Variants in RTN3 observed in about 807,000 individuals in gnomAD.
RTN3 encodes the protein reticulon 3.
RTN3 carries 49 observed loss-of-function variants against 77.8 expected under a neutral mutation model. That is an observed-to-expected ratio of 0.63 (90% CI 0.50 to 0.80). The LOEUF is 0.80. RTN3 is among the 30% of genes least tolerant of loss of function. The pLI is 0.00. For missense variants in RTN3, 1,236 were observed against 1,211.9 expected, an observed-to-expected ratio of 1.02 and a Z score of -0.29; for synonymous variants, 464 against 446.9, an observed-to-expected ratio of 1.04 and a Z score of -0.48.
chr11:63,719,808 G>A lies in RTN3; in HGVS notation c.1306G>A (p.Val436Met), dbSNP rs373939447. ...NSTKEFSIKG[V>M]QGNMQKQDDT... ...CACAAAAGAATTCAGTATCAAAGGTGTGCAAGGCAATATGCAGAAACAGGA... is the reference window on the plus strand; with the variant it reads ...CACAAAAGAATTCAGTATCAAAGGTATGCAAGGCAATATGCAGAAACAGGA... The change falls in exon 3 of 9, where the codon GTG becomes ATG. Residue 436 changes from valine to methionine, a missense_variant. Physicochemically the swap from Val to Met is conservative, Grantham distance 21. Coordinates refer to ENST00000377819, the MANE Select transcript of RTN3 (RefSeq NM_001265589.2). The A allele has an allele frequency of 3.7e-6, 6 of 1,614,086 alleles. No homozygotes were observed. The highest frequency in any genetic ancestry group is 2.7e-5 in the African/African-American group (2 of 74,938).
chr11:63,712,631 A>G (rs971519663), intron 2 of RTN3, among the ~76,000 whole-genome samples: 3 of 151,726 alleles, frequency 2.0e-5, no homozygotes, highest in Non-Finnish European at 2.9e-5. Flanking sequence ...GATTATAGGC[A>G]TGCGCCACCA....
At chr11:63,749,589 G>C (rs892787992) in intron 3 of RTN3, among the ~76,000 whole-genome samples, 3 of 152,128 alleles carry the variant, frequency 2.0e-5, no homozygotes, top group Admixed American at 6.5e-5. Flanking sequence ...TAAGGTAAAT[G>C]GCACTTTACC....
intron 2 of RTN3, among the ~76,000 whole-genome samples, chr11:63,705,114 CAT>C (rs1413320824): frequency 6.6e-6 from 1 of 152,184 alleles, no homozygotes; most frequent in Non-Finnish European, 1.5e-5. Flanking sequence ...GACCCTGTAA[CAT>C]AGCATAAACT....
Position 63,720,459 on chromosome 11 carries a change from G to T in RTN3, c.1957G>T (p.Asp653Tyr), listed in dbSNP as rs2011685602. The T allele has an allele frequency of 1.2e-6, 2 of 1,613,368 alleles. No individual in the cohort carries two copies. The highest frequency in any genetic ancestry group is 4.5e-5 in the East Asian group (2 of 44,858). ...VKHIDDSSPE[D>Y]LIAAFTETRD... ...ACATATAGATGATTCCTCCCCAGAG[G>T]ACCTGATAGCAGCCTTTACAGAAAC... Residue 653 changes from aspartate (D) to tyrosine (Y), a missense_variant, in exon 3 of 9, where the codon GAC becomes TAC. Transcript: ENST00000377819.
intron 1 of RTN3, among the ~76,000 whole-genome samples, chr11:63,686,254 A>G (rs1014860746): frequency 4.0e-5 from 6 of 150,606 alleles, no homozygotes; most frequent in Non-Finnish European, 8.9e-5. Context: ...GCGGATCACG[A>G]GGTCAGGAGA....
chr11:63,746,537 C>T (rs1487457806), intron 3 of RTN3, among the ~76,000 whole-genome samples: 1 of 149,908 alleles, frequency 6.7e-6, no homozygotes, highest in Non-Finnish European at 1.5e-5. Flanking sequence ...TTTTTTGAGA[C>T]GGAGTCTCGC....
chr11:63,686,403 G>A (rs975449361), intron 1 of RTN3, among the ~76,000 whole-genome samples: 6 of 151,322 alleles, frequency 4.0e-5, no homozygotes, highest in African/African-American at 9.7e-5. Flanking sequence ...CCCAGGAGGC[G>A]GAGCTTGCAG....
chr11:63,727,342 A>G (rs1216261237), intron 3 of RTN3, among the ~76,000 whole-genome samples: 1 of 152,244 alleles, frequency 6.6e-6, no homozygotes, highest in Non-Finnish European at 1.5e-5. Context: ...AAAAGAGACA[A>G]TCGATAGAAA....
intron 1 of RTN3, among the ~76,000 whole-genome samples, chr11:63,699,873 A>G (rs1942149269): frequency 6.6e-6 from 1 of 152,212 alleles, no homozygotes; most frequent in South Asian, 2.1e-4. Flanking sequence ...CAGGTCCTGG[A>G]CTTCGCTACT....
At position 63,749,406 on chromosome 11, in the gene RTN3, G is replaced by A. The variant is rs146064825; in HGVS notation, c.2531-585G>A. On this transcript the variant is annotated intron_variant, in intron 3 of 8. Coordinates refer to ENST00000377819, the MANE Select transcript of RTN3 (RefSeq NM_001265589.2). The stretch of plus-strand genomic sequence containing the variant: ...TTATAACTAGCACTAATAGTGCTTG[G>A]TCTATTTTTATTTACCACTTTCTTT... 1.8e-4 allele frequency among the ~76,000 whole-genome samples: 28 copies of A among 152,204 alleles called. No individual in the cohort carries two copies. The East Asian group carries it at 4.6e-3, about 25-fold the overall frequency.
intron 2 of RTN3, among the ~76,000 whole-genome samples, chr11:63,710,623 C>T (rs1432223949): frequency 6.6e-6 from 1 of 152,198 alleles, no homozygotes; most frequent in Non-Finnish European, 1.5e-5. Context: ...GAAGCCGTGA[C>T]AGTGGCTCCT....
intron 1 of RTN3, among the ~76,000 whole-genome samples, chr11:63,683,580 C>T (rs1278657620): frequency 1.3e-5 from 2 of 152,140 alleles, no homozygotes; most frequent in Non-Finnish European, 2.9e-5. Context: ...TTTTAATGCA[C>T]TTATGGAAGA....
Position 63,719,214 on chromosome 11 carries a change from G to A in RTN3, c.712G>A (p.Val238Ile). The A allele has an allele frequency of 6.2e-7, 1 of 1,614,140 alleles. No individual in the cohort carries two copies. The highest frequency in any genetic ancestry group is 8.5e-7 in the Non-Finnish European group (1 of 1,180,008). ...LSPSKVSGDDVIEKDSPESPF... is the reference protein window; with the variant it reads ...LSPSKVSGDDIIEKDSPESPF... ...TCCATCCAAAGTTTCAGGAGATGAT[G>A]TTATTGAAAAGGATTCCCCTGAATC... The change falls in exon 3 of 9, where the codon GTT (valine) becomes ATT (isoleucine). Residue 238 changes from valine to isoleucine, a missense_variant. Val to Ile is a conservative substitution (Grantham distance 29). Transcript: ENST00000377819.
chr11:63,753,183 G>A, intron 6 of RTN3, 45 bp downstream of exon 6: 1 of 1,560,576 alleles, frequency 6.4e-7, no homozygotes, highest in Non-Finnish European at 8.8e-7. Flanking sequence ...GAAGTAGTTT[G>A]TAAGAATAAG....
chr11:63,746,341 G>A (rs762280659), intron 3 of RTN3, among the ~76,000 whole-genome samples: 15 of 152,096 alleles, frequency 9.9e-5, no homozygotes, highest in Non-Finnish European at 1.8e-4. Flanking sequence ...CCACATGTGC[G>A]TTATCATCCC....
chr11:63,731,787 G>T (rs1341067153), intron 3 of RTN3, among the ~76,000 whole-genome samples: 3 of 152,016 alleles, frequency 2.0e-5, no homozygotes, highest in Non-Finnish European at 4.4e-5. Flanking sequence ...TGAGTAGCTG[G>T]GATTACAGGC....
At chr11:63,708,749 A>G (rs1336776536) in intron 2 of RTN3, among the ~76,000 whole-genome samples, 1 of 152,190 alleles carries the variant, frequency 6.6e-6, no homozygotes, top group Non-Finnish European at 1.5e-5. Context: ...ACCCCTGAGT[A>G]GTCCTTGTCC....
At chr11:63,750,454 T>A (rs2014040351) in intron 4 of RTN3, 2 of 427,596 alleles carry the variant, frequency 4.7e-6, no homozygotes. Flanking sequence ...GACTCTAAAT[T>A]CTTTTTTTTT....
Position 63,681,515 on chromosome 11 carries a change from G to C in RTN3, c.-122G>C. On this transcript the variant is annotated 5_prime_UTR_variant, in exon 1 of 9. Coordinates refer to ENST00000377819, the MANE Select transcript of RTN3 (RefSeq NM_001265589.2). ...TGAGTCAGTCAGTCTGTCGGAGTCT[G>C]TCCTCGGAGCAGGCGGAGTAAAGGG... 9.4e-7 allele frequency: 1 copy of C among 1,065,590 alleles called. No individual in the cohort carries two copies. Among genetic ancestry groups the C allele is most frequent in the Non-Finnish European group, 1.3e-6 (1 of 766,576 alleles). 66.0% of individuals were successfully genotyped at this position (1,065,590 alleles called of 1,614,324 possible). A position where few individuals can be genotyped will look rare whatever the true frequency, so the allele number is the denominator to read the frequency against.
Sources: allele counts gnomAD v4.1 joint callset (sites outside exome capture counted in the v4.1 genomes callset), GRCh38; gene constraint gnomAD v4.1.1; transcripts MANE v1.5; gene names NCBI Gene and HGNC (gene_info 2026-07-23, HGNC 2026-07-21).